The following MYCBP2 variants were observed in gnomAD, a reference collection of about 807,000 sequenced individuals.
MYCBP2 encodes the protein E3 ubiquitin-protein ligase MYCBP2.
Under a neutral mutation model 525.3 loss-of-function variants are expected in MYCBP2, and 120 were observed. The observed-to-expected ratio is 0.23, with a 90% CI of 0.20 to 0.27. The LOEUF is 0.27. Among genes scored for constraint, MYCBP2 ranks in the 10% least tolerant of loss-of-function variants. The pLI is 1.00. For synonymous variants in MYCBP2, 1,894 were observed against 1,955.8 expected (o/e 0.97, Z 0.83); for missense variants, 4,149 against 5,657.1 (o/e 0.73, Z 8.55).
At chr13:77,145,643 G>A (rs957670878) in intron 48 of MYCBP2, among the ~76,000 whole-genome samples, 1 of 151,936 alleles carries the variant, frequency 6.6e-6, no homozygotes, top group Admixed American at 6.6e-5. Context: ...AAAGTATAAT[G>A]CATCTAATTA....
intron 38 of MYCBP2, 103 bp from the exon 39 acceptor site, chr13:77,169,817 CT>C (rs1335889969): frequency 2.1e-6 from 2 of 940,002 alleles, no homozygotes; most frequent in African/African-American, 3.3e-5. Context: ...TTGAGCGAAA[CT>C]ATAGTTGACA....
intron 3 of MYCBP2, among the ~76,000 whole-genome samples, chr13:77,279,282 T>A (rs2154351495): frequency 6.6e-6 from 1 of 152,340 alleles, no homozygotes; most frequent in Non-Finnish European, 1.5e-5. Flanking sequence ...ACAATCACTA[T>A]ATTATTATTT....
At chr13:77,190,508 T>C (rs1230989917) in intron 28 of MYCBP2, among the ~76,000 whole-genome samples, 173 bp from the exon 29 acceptor site, 1 of 152,162 alleles carries the variant, frequency 6.6e-6, no homozygotes, top group Non-Finnish European at 1.5e-5. Flanking sequence ...GGTTAGTCAG[T>C]AAAATGAAAG....
chr13:77,105,107 C>G (rs1479290874), intron 55 of MYCBP2, among the ~76,000 whole-genome samples: 2 of 152,000 alleles, frequency 1.3e-5, no homozygotes, highest in Admixed American at 1.3e-4. Flanking sequence ...CAGGGGGAAT[C>G]CAACCTGCCA....
intron 7 of MYCBP2, among the ~76,000 whole-genome samples, chr13:77,268,256 A>C (rs1165983144): frequency 6.6e-6 from 1 of 152,198 alleles, no homozygotes; most frequent in Non-Finnish European, 1.5e-5. Context: ...TTACTTTAAC[A>C]AGTACTTTAA....
intron 55 of MYCBP2, among the ~76,000 whole-genome samples, chr13:77,105,057 G>C (rs536699907): frequency 5.3e-5 from 8 of 151,978 alleles, no homozygotes; most frequent in Non-Finnish European, 8.8e-5. Flanking sequence ...TTCAAGACAC[G>C]AACTAGAACG....
chr13:77,145,342 T>C (rs569653882), intron 48 of MYCBP2, among the ~76,000 whole-genome samples: 42 of 152,280 alleles, frequency 2.8e-4, no homozygotes, highest in Admixed American at 1.6e-3. Context: ...TTTCCTGGCT[T>C]TTTTCTTATC....
Position 77,205,395 on chromosome 13 carries a change from AAATCAT to A in MYCBP2, c.3716-18_3716-13del. On this transcript the variant is annotated splice_polypyrimidine_tract_variant and intron_variant, in intron 25 of 82. Coordinates refer to ENST00000544440, the MANE Select transcript of MYCBP2 (RefSeq NM_015057.5). ...GCCTCCTCCATGACCTAGAATATAT[AAATCAT>A]AATCTATGTTTTAAAAGATCCATAT... 6.2e-7 allele frequency: 1 copy of A among 1,612,384 alleles called. No individual in the cohort carries two copies.
At chr13:77,106,434 G>A (rs1175290218) in intron 55 of MYCBP2, among the ~76,000 whole-genome samples, 2 of 152,020 alleles carry the variant, frequency 1.3e-5, no homozygotes, top group Non-Finnish European at 2.9e-5. Context: ...CTATTCAGAA[G>A]GACAATATAC....
intron 1 of MYCBP2, among the ~76,000 whole-genome samples, chr13:77,320,683 T>G (rs964732800): frequency 6.6e-6 from 1 of 152,132 alleles, no homozygotes; most frequent in Admixed American, 6.5e-5. Flanking sequence ...CTTACCCAAG[T>G]AATCAGATTT....
chr13:77,068,503 G>T, intron 70 of MYCBP2, 62 bp downstream of exon 70: 3 of 1,563,844 alleles, frequency 1.9e-6, no homozygotes, highest in Non-Finnish European at 2.6e-6. Flanking sequence ...TCTTTGCATT[G>T]CAACTTTTAA....
chr13:77,210,889 A>G (rs1317920033), intron 23 of MYCBP2, among the ~76,000 whole-genome samples: 3 of 152,186 alleles, frequency 2.0e-5, no homozygotes, highest in Non-Finnish European at 4.4e-5. Context: ...CATAAATGAG[A>G]AAACTGAGGC....
At chr13:77,128,962 T>C (rs1431000011) in intron 52 of MYCBP2, among the ~76,000 whole-genome samples, 1 of 151,936 alleles carries the variant, frequency 6.6e-6, no homozygotes, top group Non-Finnish European at 1.5e-5. Context: ...TTTGAAGTCA[T>C]GTGGAAGTAT....
At chr13:77,090,452 C>A (rs934277062) in intron 59 of MYCBP2, 189 bp from the exon 60 acceptor site, 4 of 408,794 alleles carry the variant, frequency 9.8e-6, no homozygotes, top group Non-Finnish European at 1.7e-5. Flanking sequence ...CTGATTTCAG[C>A]ATTGTACCTT....
At chr13:77,154,189 A>T (rs2056918521) in intron 46 of MYCBP2, among the ~76,000 whole-genome samples, 1 of 152,170 alleles carries the variant, frequency 6.6e-6, no homozygotes, top group African/African-American at 2.4e-5. Context: ...TTAATACATT[A>T]AACATCAGTA....
intron 15 of MYCBP2, among the ~76,000 whole-genome samples, chr13:77,250,495 A>G (rs1461045182): frequency 6.6e-6 from 1 of 152,180 alleles, no homozygotes; most frequent in Admixed American, 6.5e-5. Flanking sequence ...AGAATATCCC[A>G]TCATGTTATA....
At chr13:77,089,995 C>G in intron 60 of MYCBP2, 111 bp downstream of exon 60, 1 of 875,168 alleles carries the variant, frequency 1.1e-6, no homozygotes, top group South Asian at 2.4e-5. Context: ...TAGAAATTAT[C>G]CCATGCCTTT....
intron 68 of MYCBP2, among the ~76,000 whole-genome samples, chr13:77,073,236 A>G (rs894230644): frequency 6.6e-6 from 1 of 152,152 alleles, no homozygotes; most frequent in African/African-American, 2.4e-5. Context: ...TATATGGATT[A>G]TCTTACGGAA....
intron 23 of MYCBP2, among the ~76,000 whole-genome samples, chr13:77,209,363 A>G (rs898246187): frequency 3.3e-5 from 5 of 152,228 alleles, no homozygotes; most frequent in African/African-American, 1.2e-4. Context: ...CAGATTCCAC[A>G]CTGCCAATTT....
Sources: allele counts gnomAD v4.1 joint callset (sites outside exome capture counted in the v4.1 genomes callset), GRCh38; gene constraint gnomAD v4.1.1; transcripts MANE v1.5; gene names NCBI Gene and HGNC (gene_info 2026-07-23, HGNC 2026-07-21).